The following STK32B variants were observed in gnomAD, a reference collection of about 807,000 sequenced individuals.
STK32B encodes the protein serine/threonine-protein kinase 32B.
A neutral mutation model predicts 52.6 loss-of-function variants in STK32B; 43 were observed. The ratio of observed to expected loss-of-function variants is 0.82; its 90% CI spans 0.64 to 1.05. STK32B has a LOEUF of 1.05. Ranked by LOEUF, STK32B falls within the 50% of genes least tolerant of loss-of-function variation. The probability of loss-of-function intolerance (pLI) is 0.00; values close to 1 mark genes in which losing one functional copy is unlikely to be tolerated. For missense variants in STK32B, 621 were observed against 534.6 expected (o/e 1.16, Z -1.59); for synonymous variants, 238 against 204.3 (o/e 1.17, Z -1.41).
At chr4:5,237,168 C>T (rs533172778) in intron 3 of STK32B, among the ~76,000 whole-genome samples, 52 of 152,256 alleles carry the variant, frequency 3.4e-4, no homozygotes, top group Non-Finnish European at 6.8e-4. Context: ...CCCTGAAAGT[C>T]CTGAAAAGGT....
intron 3 of STK32B, among the ~76,000 whole-genome samples, chr4:5,279,383 C>T (rs1372352850): frequency 2.0e-5 from 3 of 152,164 alleles, no homozygotes; most frequent in Admixed American, 6.5e-5. Context: ...TAATCTTCCT[C>T]GACTCCATGA....
At chr4:5,481,378 C>G (rs1182658817) in intron 11 of STK32B, among the ~76,000 whole-genome samples, 1 of 152,180 alleles carries the variant, frequency 6.6e-6, no homozygotes, top group Non-Finnish European at 1.5e-5. Flanking sequence ...GCATAAAAGT[C>G]TTCTTTTGAG....
chr4:5,059,496 A>G (rs2108756895), intron 1 of STK32B, among the ~76,000 whole-genome samples: 1 of 152,272 alleles, frequency 6.6e-6, no homozygotes, highest in South Asian at 2.1e-4. Context: ...TTGTGATCAG[A>G]CAAAGAATTA....
intron 3 of STK32B, among the ~76,000 whole-genome samples, chr4:5,199,611 A>C (rs532969224): frequency 6.6e-6 from 1 of 151,570 alleles, no homozygotes; most frequent in South Asian, 2.1e-4. Context: ...TTGGTTTTCT[A>C]ATTTGACTAA....
intron 3 of STK32B, among the ~76,000 whole-genome samples, chr4:5,171,167 T>C (rs1164800221): frequency 1.3e-5 from 2 of 151,988 alleles, no homozygotes; most frequent in African/African-American, 2.4e-5. Context: ...TGTTTTTTTC[T>C]TGTAAATTTG....
At chr4:5,161,142 G>A (rs1577123645) in intron 2 of STK32B, among the ~76,000 whole-genome samples, 1 of 152,140 alleles carries the variant, frequency 6.6e-6, no homozygotes, top group East Asian at 1.9e-4. Context: ...CATGGTACCA[G>A]GCCCATGGCA....
At chr4:5,048,154 A>T (rs1328071303), upstream of STK32B, among the ~76,000 whole-genome samples, 2 of 151,986 alleles carry the variant, frequency 1.3e-5, no homozygotes, top group African/African-American at 4.8e-5. Flanking sequence ...TTTTTGAGAC[A>T]AAGTCTCACT....
At chr4:5,192,059 C>T (rs1174972311) in intron 3 of STK32B, among the ~76,000 whole-genome samples, 1 of 152,194 alleles carries the variant, frequency 6.6e-6, no homozygotes, top group African/African-American at 2.4e-5. Flanking sequence ...ACGGAGTGAA[C>T]ATCCATTGCC....
At chr4:5,113,029 T>A (rs897861986) in intron 1 of STK32B, among the ~76,000 whole-genome samples, 2 of 152,128 alleles carry the variant, frequency 1.3e-5, no homozygotes, top group African/African-American at 4.8e-5. Context: ...GTAGATGAGA[T>A]GGAGCCTCTG....
chr4:5,221,515 C>G (rs1436387311), intron 3 of STK32B, among the ~76,000 whole-genome samples: 1 of 152,052 alleles, frequency 6.6e-6, no homozygotes, highest in African/African-American at 2.4e-5. Context: ...AAGACATATT[C>G]AGGTGGGAGA....
intron 6 of STK32B, among the ~76,000 whole-genome samples, chr4:5,421,898 G>A (rs1262910693): frequency 1.3e-5 from 2 of 152,216 alleles, no homozygotes; most frequent in Non-Finnish European, 2.9e-5. Context: ...GGGCCACACA[G>A]CTGGTCAGTG....
At chr4:5,402,039 A>C (rs1182719471) in intron 5 of STK32B, among the ~76,000 whole-genome samples, 1 of 152,214 alleles carries the variant, frequency 6.6e-6, no homozygotes, top group Non-Finnish European at 1.5e-5. Context: ...CCTTGAGCTT[A>C]TCCCCTGCAA....
At chr4:5,454,248 T>C (rs1311243556) in intron 7 of STK32B, among the ~76,000 whole-genome samples, 3 of 151,264 alleles carry the variant, frequency 2.0e-5, no homozygotes, top group Non-Finnish European at 4.4e-5. Flanking sequence ...TCATTACCTG[T>C]GATGGCCGTA....
intron 3 of STK32B, among the ~76,000 whole-genome samples, chr4:5,241,469 T>C (rs1392081256): frequency 2.6e-5 from 4 of 152,186 alleles, no homozygotes; most frequent in Non-Finnish European, 5.9e-5. Flanking sequence ...TTTACATAAA[T>C]TGTTGAGCCA....
chr4:5,312,520 G>A (rs549827757), intron 3 of STK32B, among the ~76,000 whole-genome samples: 1 of 151,130 alleles, frequency 6.6e-6, no homozygotes, highest in African/African-American at 2.4e-5. Context: ...TCCCACCTGT[G>A]AGTGAGAACA....
intron 3 of STK32B, among the ~76,000 whole-genome samples, chr4:5,240,192 C>T (rs1724922168): frequency 6.6e-6 from 1 of 151,568 alleles, no homozygotes; most frequent in Non-Finnish European, 1.5e-5. Flanking sequence ...TTTTTTTACT[C>T]ATCTCTTCAA....
At chr4:5,256,780 G>GAT (rs1274319631) in intron 3 of STK32B, among the ~76,000 whole-genome samples, 1 of 152,186 alleles carries the variant, frequency 6.6e-6, no homozygotes, top group Non-Finnish European at 1.5e-5. Flanking sequence ...AGGCTTCTTG[G>GAT]ATATATGCTC....
intron 5 of STK32B, among the ~76,000 whole-genome samples, chr4:5,413,581 TAAAAC>T (rs1018506239): frequency 3.9e-5 from 6 of 152,222 alleles, no homozygotes; most frequent in South Asian, 2.1e-4. Flanking sequence ...AAACAACACT[TAAAAC>T]AAAATTAACA....
chr4:5,052,877 A>T (rs1279960285), intron 1 of STK32B, among the ~76,000 whole-genome samples: 1 of 152,184 alleles, frequency 6.6e-6, no homozygotes, highest in African/African-American at 2.4e-5. Context: ...TGTTCCAGCC[A>T]TGCTAGCACA....
Sources: gnomAD v4.1 joint callset for allele counts (sites outside exome capture counted in the v4.1 genomes callset) on GRCh38, gnomAD v4.1.1 for gene constraint, MANE v1.5 for transcripts, NCBI Gene and HGNC (gene_info 2026-07-23, HGNC 2026-07-21) for gene names.